The following HAAO variants were observed in gnomAD, a reference collection of about 807,000 sequenced individuals.
The protein encoded by HAAO is 3-hydroxyanthranilate oxygenase.
Under a neutral mutation model 46.2 loss-of-function variants are expected in HAAO, and 49 were observed. The observed-to-expected ratio is 1.06, with a 90% CI of 0.84 to 1.34. HAAO has a LOEUF of 1.34. Ranked by LOEUF, HAAO falls within the 40% of genes most tolerant of loss-of-function variation. The probability of loss-of-function intolerance (pLI) is 0.00; values close to 1 mark genes in which losing one functional copy is unlikely to be tolerated. For synonymous variants in HAAO, 157 were observed against 145.2 expected (o/e 1.08, Z -0.58); for missense variants, 408 against 364.5 (o/e 1.12, Z -0.97).
intron 4 of HAAO, among the ~76,000 whole-genome samples, chr2:42,781,579 A>G (rs189696702): frequency 3.3e-5 from 5 of 152,352 alleles, no homozygotes; most frequent in Admixed American, 3.3e-4. Context: ...TATGTAAAAA[A>G]TAATTATTCT....
chr2:42,784,957 A>C (rs1672283871), intron 2 of HAAO, among the ~76,000 whole-genome samples: 1 of 152,230 alleles, frequency 6.6e-6, no homozygotes, highest in African/African-American at 2.4e-5. Flanking sequence ...CCTTGACCTC[A>C]GTAATTCTAC....
At chr2:42,788,149 C>T (rs1173547334) in intron 2 of HAAO, among the ~76,000 whole-genome samples, 2 of 152,162 alleles carry the variant, frequency 1.3e-5, no homozygotes, top group East Asian at 3.9e-4. Flanking sequence ...CCCCCGTCTG[C>T]GGGGGAGGAT....
At chr2:42,772,754 T>C (rs1671232125) in intron 4 of HAAO, among the ~76,000 whole-genome samples, 1 of 152,152 alleles carries the variant, frequency 6.6e-6, no homozygotes, top group Non-Finnish European at 1.5e-5. Context: ...ATGACTTTGA[T>C]AATCAGAAAA....
intron 4 of HAAO, among the ~76,000 whole-genome samples, chr2:42,775,861 CTTTTTTTTTT>C (rs56249729): frequency 1.6e-5 from 2 of 121,444 alleles, no homozygotes; most frequent in African/African-American, 3.2e-5. Context: ...TTGTGTTATC[CTTTTTTTTTT>C]TTTTTTTTTA....
Position 42,767,419 on chromosome 2 carries a change from C to G in HAAO, c.*18G>C. ...GTGCTTGGCACACCTGTGGCTGCTT[C>G]AGGCCATGGCAAGAGGGTCACCCCA... On this transcript the variant is annotated 3_prime_UTR_variant, in exon 10 of 10. Coordinates refer to ENST00000294973, the MANE Select transcript of HAAO (RefSeq NM_012205.3). 6.3e-7 allele frequency: 1 copy of G among 1,594,618 alleles called. No individual in the cohort carries two copies. Among genetic ancestry groups the G allele is most frequent in the Non-Finnish European group, 8.6e-7 (1 of 1,164,716 alleles).
Position 42,767,588 on chromosome 2 carries a change from T to A in HAAO, c.782+7A>T, listed in dbSNP as rs375486335. The stretch of plus-strand genomic sequence containing the variant: ...GATCCCAGGGAAAGCCCTCCCTGCG[T>A]ACTCACGAGGTCCCAGCTAGCACCA... On this transcript the variant is annotated splice_region_variant and intron_variant, in intron 9 of 9. Coordinates refer to ENST00000294973, the MANE Select transcript of HAAO (RefSeq NM_012205.3). 3 of 1,578,324 alleles carry A rather than the reference T, an allele frequency of 1.9e-6. No individual in the cohort carries two copies. In the African/African-American group the frequency reaches 4.0e-5, roughly 21 times the overall value.
intron 4 of HAAO, among the ~76,000 whole-genome samples, chr2:42,778,522 G>A (rs908538846): frequency 1.3e-5 from 2 of 152,046 alleles, no homozygotes; most frequent in Admixed American, 6.6e-5. Context: ...GTAGAGATGA[G>A]GTTTCACCAT....
chr2:42,779,408 G>A (rs57393112), intron 4 of HAAO, among the ~76,000 whole-genome samples: 56,160 of 151,184 alleles, frequency 0.37, 11,205 homozygotes, highest in African/African-American at 0.48. Flanking sequence ...TGCAACCTCC[G>A]CCTCCCGGGT....
Position 42,786,219 on chromosome 2 carries a change from C to A in HAAO, c.159+2310G>T, listed in dbSNP as rs187546543. On this transcript the variant is annotated intron_variant, in intron 2 of 9. Coordinates refer to ENST00000294973, the MANE Select transcript of HAAO (RefSeq NM_012205.3). ...ATTGTCTCTATTTTCTCGCTCTTGT[C>A]CCCTGCTCAGAGGTCTTCCCTGTGA... Among the ~76,000 whole-genome samples, 7 of 152,292 alleles carry A rather than the reference C, an allele frequency of 4.6e-5. No individual in the cohort carries two copies. The East Asian group carries it at 1.2e-3, about 25-fold the overall frequency.
intron 4 of HAAO, among the ~76,000 whole-genome samples, chr2:42,775,170 C>G (rs1671446097): frequency 6.6e-6 from 1 of 150,790 alleles, no homozygotes; most frequent in Non-Finnish European, 1.5e-5. Flanking sequence ...TTGCTTGAAC[C>G]CAGGAGGCAG....
intron 4 of HAAO, among the ~76,000 whole-genome samples, chr2:42,778,144 A>G (rs1029318248): frequency 1.3e-5 from 2 of 152,122 alleles, no homozygotes; most frequent in African/African-American, 4.8e-5. Context: ...AAACCCAAAA[A>G]CTTTTATATG....
At chr2:42,773,836 C>T (rs888136749) in intron 4 of HAAO, among the ~76,000 whole-genome samples, 3 of 152,142 alleles carry the variant, frequency 2.0e-5, no homozygotes, top group African/African-American at 4.8e-5. Flanking sequence ...GTGATCCACC[C>T]GCCTCGGCCT....
At chr2:42,770,255 T>C (rs1374172339) in intron 5 of HAAO, 69 bp from the exon 6 acceptor site, 1 of 1,303,466 alleles carries the variant, frequency 7.7e-7, no homozygotes, top group South Asian at 1.3e-5. Flanking sequence ...GACACACACA[T>C]ACACCACACT....
intron 4 of HAAO, among the ~76,000 whole-genome samples, chr2:42,781,638 C>T (rs768141108): frequency 1.7e-4 from 26 of 152,082 alleles, no homozygotes; most frequent in Non-Finnish European, 2.4e-4. Context: ...TTTGGAAGGC[C>T]GAGGCAGATG....
At chr2:42,783,920 T>C in intron 2 of HAAO, 53 bp from the exon 3 acceptor site, 1 of 1,569,224 alleles carries the variant, frequency 6.4e-7, no homozygotes, top group Non-Finnish European at 8.7e-7. Context: ...TCCAGGTCCT[T>C]GGCCACTGCC....
At chr2:42,781,895 T>G (rs1344344039) in intron 4 of HAAO, among the ~76,000 whole-genome samples, 1 of 152,100 alleles carries the variant, frequency 6.6e-6, no homozygotes, top group East Asian at 1.9e-4. Context: ...AAATTATTCT[T>G]GCTGCACTGT....
At chr2:42,788,448 C>G in intron 2 of HAAO, 81 bp downstream of exon 2, 1 of 878,450 alleles carries the variant, frequency 1.1e-6, no homozygotes, top group Non-Finnish European at 2.0e-6. Flanking sequence ...ATCTCTGGGC[C>G]TCGAGTGGGA....
At chr2:42,785,284 G>T (rs1266303871) in intron 2 of HAAO, among the ~76,000 whole-genome samples, 1 of 152,154 alleles carries the variant, frequency 6.6e-6, no homozygotes, top group Non-Finnish European at 1.5e-5. Flanking sequence ...ATAATTATAG[G>T]AGAAATGTAA....
In HAAO at chr2:42,769,769, T is replaced by A. The variant is rs1210319675; in HGVS notation, c.574A>T (p.Arg192Trp). The A allele has an allele frequency of 2.5e-6, 4 of 1,613,908 alleles. No individual in the cohort carries two copies. Among genetic ancestry groups the A allele is most frequent in the Admixed American group, 3.3e-5 (2 of 59,960 alleles). The change falls in exon 7 of 10, where the codon AGG (arginine) becomes TGG (tryptophan). Residue 192 changes from arginine (R) to tryptophan (W), a missense_variant. Coordinates refer to ENST00000294973, the MANE Select transcript of HAAO (RefSeq NM_012205.3). ...AGTGGTGTGCCTGCCTGCAGCTCCC[T>A]GTGGTGGCTGTCCAGCCAGGCATCC... ...SLDAWLDSHH[R>W]ELQAGTPLSL...
Sources: gnomAD v4.1 joint callset for allele counts (sites outside exome capture counted in the v4.1 genomes callset) on GRCh38, gnomAD v4.1.1 for gene constraint, MANE v1.5 for transcripts, NCBI Gene and HGNC (gene_info 2026-07-23, HGNC 2026-07-21) for gene names.